Variants in DPYD observed in about 807,000 individuals in gnomAD.
DPYD encodes dihydropyrimidine dehydrogenase, also known as dihydropyrimidine dehydrogenase [NADP(+)].
In DPYD, 109 loss-of-function variants were observed where a neutral mutation model predicts 116.2. The observed-to-expected ratio is 0.94, with a 90% CI of 0.80 to 1.10. DPYD has a LOEUF of 1.10. DPYD is among the 50% of genes least tolerant of loss of function. The pLI is 0.00. For synonymous variants in DPYD, 440 were observed against 432.0 expected, an observed-to-expected ratio of 1.02 and a Z score of -0.23; for missense variants, 1,302 against 1,254.5, an observed-to-expected ratio of 1.04 and a Z score of -0.57.
intron 16 of DPYD, among the ~76,000 whole-genome samples, chr1:97,311,221 A>G (rs1667496734): frequency 6.6e-6 from 1 of 151,858 alleles, no homozygotes; most frequent in Non-Finnish European, 1.5e-5. Context: ...AAACATTGTG[A>G]AAAGACAAGG....
In DPYD at chr1:97,921,027, G is replaced by A. The variant is rs1422108531; in HGVS notation, c.-105C>T. On this transcript the variant is annotated 5_prime_UTR_variant, in exon 1 of 23. Coordinates refer to ENST00000370192, the MANE Select transcript of DPYD (RefSeq NM_000110.4). ...GCAGCCGGAGCGCGAGTCGAAAACA[G>A]GCAGACTAGGGCCGGCGGCGCGGGG... 3 of 1,402,010 alleles carry A rather than the reference G, an allele frequency of 2.1e-6. No homozygotes were observed. The highest frequency in any genetic ancestry group is 2.9e-5 in the African/African-American group (2 of 68,194). The allele number at this position is 1,402,010 out of a possible 1,614,324, so 86.8% of individuals were successfully genotyped here. A position where few individuals can be genotyped will look rare whatever the true frequency, so the allele number is the denominator to read the frequency against.
intron 13 of DPYD, among the ~76,000 whole-genome samples, chr1:97,460,991 C>T (rs1028306222): frequency 6.6e-6 from 1 of 150,386 alleles, no homozygotes; most frequent in Admixed American, 6.6e-5. Context: ...GAGCTAAGAT[C>T]GCGCCATTGC....
intron 11 of DPYD, among the ~76,000 whole-genome samples, chr1:97,563,115 A>G (rs1652280154): frequency 6.6e-6 from 1 of 152,192 alleles, no homozygotes; most frequent in African/African-American, 2.4e-5. Flanking sequence ...ATTAACAATA[A>G]TAATCTCACT....
intron 1 of DPYD, among the ~76,000 whole-genome samples, chr1:97,893,554 C>A (rs939195300): frequency 3.4e-5 from 5 of 148,284 alleles, no homozygotes; most frequent in African/African-American, 1.2e-4. Context: ...CATTACATTT[C>A]CTTCCCAGGA....
intron 12 of DPYD, among the ~76,000 whole-genome samples, chr1:97,541,259 A>G (rs1179290478): frequency 6.6e-6 from 1 of 152,228 alleles, no homozygotes; most frequent in Non-Finnish European, 1.5e-5. Context: ...ATAAATAAAC[A>G]TTAATTAGTT....
intron 18 of DPYD, among the ~76,000 whole-genome samples, chr1:97,301,299 T>C (rs905077934): frequency 6.6e-6 from 1 of 152,074 alleles, no homozygotes; most frequent in African/African-American, 2.4e-5. Flanking sequence ...ATTGTTGTAA[T>C]TGTATAAGTT....
At chr1:97,720,990 A>G in intron 5 of DPYD, 1 of 1,575,878 alleles carries the variant, frequency 6.3e-7, no homozygotes, top group South Asian at 1.2e-5. Flanking sequence ...TTACCCAAAT[A>G]AAAGACCTGC....
At chr1:97,137,536 C>T (rs936282612) in intron 20 of DPYD, among the ~76,000 whole-genome samples, 1 of 152,204 alleles carries the variant, frequency 6.6e-6, no homozygotes, top group Non-Finnish European at 1.5e-5. Context: ...ATGGTATTAA[C>T]AGGGAAAGAC....
intron 12 of DPYD, among the ~76,000 whole-genome samples, chr1:97,516,630 T>G (rs1015104127): frequency 6.6e-6 from 1 of 152,064 alleles, no homozygotes; most frequent in Non-Finnish European, 1.5e-5. Flanking sequence ...TAAATTTACC[T>G]TTGTTAAATG....
chr1:97,460,651 A>G (rs1374281495), intron 13 of DPYD, among the ~76,000 whole-genome samples: 1 of 152,132 alleles, frequency 6.6e-6, no homozygotes, highest in Non-Finnish European at 1.5e-5. Context: ...AGTTTCTTTT[A>G]TCTGACTAAA....
intron 3 of DPYD, among the ~76,000 whole-genome samples, chr1:97,749,017 G>C (rs1430709562): frequency 6.6e-6 from 1 of 152,106 alleles, no homozygotes; most frequent in Non-Finnish European, 1.5e-5. Context: ...GATGCAACTG[G>C]TAAGTATGAG....
intron 16 of DPYD, among the ~76,000 whole-genome samples, chr1:97,316,421 T>C (rs1268977724): frequency 6.6e-6 from 1 of 150,662 alleles, no homozygotes; most frequent in Non-Finnish European, 1.5e-5. Context: ...GGCTGAGGAA[T>C]GAGAATCCTT....
rs139951461 is a variant in DPYD at position 97,563,720 on chromosome 1, T to G, written c.1339+10040A>C. Among the ~76,000 whole-genome samples, 794 of 152,336 alleles carry G rather than the reference T, an allele frequency of 5.2e-3. 3 individuals are homozygous for G. Among genetic ancestry groups the G allele is most frequent in the Non-Finnish European group, 8.2e-3 (555 of 68,022 alleles). On this transcript the variant is annotated intron_variant, in intron 11 of 22. Coordinates refer to ENST00000370192, the MANE Select transcript of DPYD (RefSeq NM_000110.4). ...TAAAATAATTACAGAAATATCATGT[T>G]GTGCTTCAAATGGATATCTAAGGCA...
At chr1:97,126,105 C>T (rs193091027) in intron 20 of DPYD, among the ~76,000 whole-genome samples, 2 of 151,896 alleles carry the variant, frequency 1.3e-5, no homozygotes, top group African/African-American at 4.8e-5. Flanking sequence ...TCAGAAATTC[C>T]CAATTTTTAA....
chr1:97,842,914 T>C (rs1371565348), intron 2 of DPYD, among the ~76,000 whole-genome samples: 1 of 152,132 alleles, frequency 6.6e-6, no homozygotes, highest in East Asian at 1.9e-4. Flanking sequence ...CTTCCCATCC[T>C]CTTGTTCTGC....
Position 97,764,043 on chromosome 1 carries a change from A to T in DPYD, c.234-23564T>A, listed in dbSNP as rs187741564. Among the ~76,000 whole-genome samples, 312 of 152,228 alleles carry T rather than the reference A, an allele frequency of 2.0e-3. 1 individual carries two copies. The highest frequency in any genetic ancestry group is 6.4e-3 in the African/African-American group (268 of 41,576). ...TTCAAAAAATAATAACACTGCTGAC[A>T]GAACCTTTTGTGGTGAGAAGGATGG... is the stretch of plus-strand genomic sequence containing the variant. On this transcript the variant is annotated intron_variant, in intron 3 of 22. Transcript: ENST00000370192.
chr1:97,869,605 T>C (rs1484006740), intron 2 of DPYD, among the ~76,000 whole-genome samples: 2 of 151,746 alleles, frequency 1.3e-5, no homozygotes, highest in Admixed American at 6.6e-5. Context: ...CCTTCTTCCA[T>C]ACCAGGAGGA....
chr1:97,313,757 C>T lies in DPYD; in HGVS notation c.2059-7460G>A, dbSNP rs1667652096. ...ATAGGATGGATTAGTAAATGACTGC[C>T]TCTTTAGTGCTCCTATAATGTTTCT... is the stretch of plus-strand genomic sequence containing the variant. On this transcript the variant is annotated intron_variant, in intron 16 of 22. Coordinates refer to ENST00000370192, the MANE Select transcript of DPYD (RefSeq NM_000110.4). Among the ~76,000 whole-genome samples the T allele has an allele frequency of 2.0e-5, 3 of 152,000 alleles. 1 individual carries two copies. The South Asian group carries it at 6.2e-4, about 32-fold the overall frequency.
rs111506099 is a variant in DPYD, at chr1:97,890,779, T to A, written c.40-7405A>T. On this transcript the variant is annotated intron_variant, in intron 1 of 22. Coordinates refer to ENST00000370192, the MANE Select transcript of DPYD (RefSeq NM_000110.4). ...GCAAGAAAGATGGCTGCATTTATTT[T>A]AGTTTTTATTTCCATAATCCATATT... 2.0e-5 allele frequency among the ~76,000 whole-genome samples: 3 copies of A among 152,106 alleles called. 1 individual carries two copies. Among genetic ancestry groups the A allele is most frequent in the African/African-American group, 7.2e-5 (3 of 41,572 alleles).
Sources: gnomAD v4.1 joint callset for allele counts (sites outside exome capture counted in the v4.1 genomes callset) on GRCh38, gnomAD v4.1.1 for gene constraint, MANE v1.5 for transcripts, NCBI Gene and HGNC (gene_info 2026-07-23, HGNC 2026-07-21) for gene names.